VAC14: variants seen among roughly 807,000 people sequenced by gnomAD.
VAC14 encodes protein VAC14 homolog.
VAC14 carries 47 observed loss-of-function variants against 85.3 expected under a neutral mutation model. The observed-to-expected ratio is 0.55, with a 90% CI of 0.44 to 0.70. The LOEUF (loss-of-function observed/expected upper bound fraction) is 0.70. Among genes scored for constraint, VAC14 ranks in the 30% least tolerant of loss-of-function variants. The pLI, the probability that VAC14 is intolerant of heterozygous loss-of-function variation, is 0.00. For synonymous variants in VAC14, 447 were observed against 430.5 expected (o/e 1.04, Z -0.47); for missense variants, 861 against 1,004.3 (o/e 0.86, Z 1.93).
chr16:70,728,215 T>A (rs769525811), intron 14 of VAC14, among the ~76,000 whole-genome samples: 1 of 151,880 alleles, frequency 6.6e-6, no homozygotes, highest in Non-Finnish European at 1.5e-5. Flanking sequence ...GCGATCGCCA[T>A]ACTGAGCCCC....
chr16:70,715,284 C>T (rs2054139905), intron 14 of VAC14: 1 of 152,342 alleles, frequency 6.6e-6, no homozygotes, highest in Non-Finnish European at 1.5e-5. Context: ...AGAAGCTTTC[C>T]CAGACTCCCC....
At position 70,783,042 on chromosome 16, in the gene VAC14, G is replaced by A; in HGVS notation, c.802C>T (p.Gln268Ter). Residue 268 changes from glutamine (Q) to a stop codon, truncating the protein, a stop_gained, in exon 7 of 19, where the codon CAG becomes TAG. Coordinates refer to ENST00000261776, the MANE Select transcript of VAC14 (RefSeq NM_018052.5). LOFTEE classifies it high-confidence loss of function. ...CTCCCCCAATACTCACCTGTTGTCT[G>A]GCAGTGGATCACCAGGATGTTGGCC... ...EMANILVIHC[Q>*]TTDDLIQLTA... 1 of 1,614,066 alleles carries A rather than the reference G, an allele frequency of 6.2e-7. No individual in the cohort carries two copies. Among genetic ancestry groups the A allele is most frequent in the Admixed American group, 1.7e-5 (1 of 60,022 alleles).
chr16:70,795,482 C>T (rs1341434188), intron 1 of VAC14, among the ~76,000 whole-genome samples: 7 of 134,876 alleles, frequency 5.2e-5, no homozygotes, highest in South Asian at 2.3e-4. Context: ...GGCGACAGAG[C>T]GAGACTCTGT....
intron 16 of VAC14, among the ~76,000 whole-genome samples, chr16:70,696,219 T>TA (rs1170885715): frequency 6.6e-6 from 1 of 152,012 alleles, no homozygotes; most frequent in Non-Finnish European, 1.5e-5. Context: ...ACTGGTGTTT[T>TA]AAAAAAAATC....
chr16:70,746,739 C>T (rs1236842494), intron 12 of VAC14, among the ~76,000 whole-genome samples: 3 of 152,160 alleles, frequency 2.0e-5, no homozygotes, highest in East Asian at 1.9e-4. Flanking sequence ...CAATGAATGA[C>T]GCCGCGGTCC....
intron 14 of VAC14, among the ~76,000 whole-genome samples, chr16:70,711,384 G>A (rs549418569): frequency 4.6e-5 from 7 of 152,268 alleles, no homozygotes; most frequent in South Asian, 2.1e-4. Context: ...AGCTCTAGGC[G>A]GAAGGCCCTG....
At chr16:70,795,830 C>T (rs940184294) in intron 1 of VAC14, among the ~76,000 whole-genome samples, 2 of 152,178 alleles carry the variant, frequency 1.3e-5, no homozygotes, top group African/African-American at 4.8e-5. Flanking sequence ...ACAGATGGAA[C>T]TCAAAGCTCA....
intron 10 of VAC14, chr16:70,766,478 G>C (rs1003863998): frequency 4.4e-6 from 2 of 456,622 alleles, no homozygotes; most frequent in Non-Finnish European, 8.8e-6. Context: ...AAGGTATAGG[G>C]CATCTTCAGG....
At chr16:70,740,109 C>T (rs1040339169) in intron 13 of VAC14, among the ~76,000 whole-genome samples, 1 of 152,028 alleles carries the variant, frequency 6.6e-6, no homozygotes, top group Non-Finnish European at 1.5e-5. Flanking sequence ...TACAGGCACG[C>T]ACCACTACGC....
At chr16:70,733,223 A>G (rs2054646603) in intron 13 of VAC14, among the ~76,000 whole-genome samples, 2 of 152,186 alleles carry the variant, frequency 1.3e-5, no homozygotes, top group Admixed American at 6.5e-5. Context: ...TTTCCTATAA[A>G]TAGAACTAAG....
At chr16:70,761,023 G>GTGTGTGTGTGTGTGTGAGA in intron 12 of VAC14, 1 of 250,434 alleles carries the variant, frequency 4.0e-6, no homozygotes, top group African/African-American at 6.2e-5. Context: ...GTGTGTGCAT[G>GTGTGTGTGTGTGTGTGAGA]GGGGGGCGGG....
chr16:70,777,278 G>A (rs994122147), intron 9 of VAC14, among the ~76,000 whole-genome samples: 7 of 152,170 alleles, frequency 4.6e-5, no homozygotes, highest in Non-Finnish European at 2.9e-5. Flanking sequence ...TGAAGCACCC[G>A]TTAGTGTTTG....
rs536803086 is a variant in VAC14, at chr16:70,738,507, G to C, written c.1528+5916C>G. Among the ~76,000 whole-genome samples the C allele has an allele frequency of 1.3e-3, 195 of 152,270 alleles. 1 individual carries two copies. The highest frequency in any genetic ancestry group is 2.1e-3 in the Non-Finnish European group (141 of 68,004). On this transcript the variant is annotated intron_variant, in intron 13 of 18. Transcript: ENST00000261776. ...AGGTCATATAGCAGTCTGCCACCGG[G>C]AAAGAGCTATTGCTGCAGGGTGAGG...
At chr16:70,707,411 G>T (rs1325835104) in intron 14 of VAC14, among the ~76,000 whole-genome samples, 1 of 152,192 alleles carries the variant, frequency 6.6e-6, no homozygotes, top group Non-Finnish European at 1.5e-5. Flanking sequence ...TGGTGGAAAG[G>T]GGATGGAGGG....
intron 10 of VAC14, among the ~76,000 whole-genome samples, chr16:70,764,487 G>C (rs1207370674): frequency 6.6e-6 from 1 of 152,142 alleles, no homozygotes; most frequent in African/African-American, 2.4e-5. Context: ...GTAAACACTG[G>C]CCCCGTCAAT....
intron 12 of VAC14, chr16:70,746,989 A>T (rs1322124751): frequency 6.6e-6 from 1 of 152,224 alleles, no homozygotes; most frequent in Non-Finnish European, 1.5e-5. Context: ...CTAGGCAGTT[A>T]CCAAGAGAAC....
rs11864186 is a variant in VAC14 at position 70,688,200 on chromosome 16, G to C, written c.2187-110C>G. 0.03 allele frequency: 40,958 copies of C among 1,346,916 alleles called. 2,776 individuals carry two copies. The highest frequency in any genetic ancestry group is 0.27 in the African/African-American group (18,098 of 66,758). The allele number at this position is 1,346,916 out of a possible 1,614,324, so 83.4% of individuals were successfully genotyped here. A position where few individuals can be genotyped will look rare whatever the true frequency, so the allele number is the denominator to read the frequency against. On this transcript the variant is annotated intron_variant, in intron 18 of 18. Coordinates refer to ENST00000261776, the MANE Select transcript of VAC14 (RefSeq NM_018052.5). ...AGCCACAGGCTGGTGGGCTCGGCCT[G>C]TGGGCGTCTGTCTCAGGCCTGGCAA...
At chr16:70,781,028 T>G (rs2033787041) in intron 8 of VAC14, 89 bp from the exon 9 acceptor site, 1 of 1,554,006 alleles carries the variant, frequency 6.4e-7, no homozygotes, top group Non-Finnish European at 8.7e-7. Context: ...GTGTTGGAGG[T>G]GGGGCCTGGT....
intron 3 of VAC14, among the ~76,000 whole-genome samples, 159 bp from the exon 4 acceptor site, chr16:70,784,997 G>GA (rs1235426902): frequency 6.6e-6 from 1 of 152,242 alleles, no homozygotes; most frequent in Non-Finnish European, 1.5e-5. Context: ...GAAAGGCTGG[G>GA]AAAGTGGGAG....
Sources: allele counts gnomAD v4.1 joint callset (sites outside exome capture counted in the v4.1 genomes callset), GRCh38; gene constraint gnomAD v4.1.1; transcripts MANE v1.5; gene names NCBI Gene and HGNC (gene_info 2026-07-23, HGNC 2026-07-21).